Variants in PCDH15 observed in about 807,000 individuals in gnomAD.
PCDH15 encodes protocadherin related 15.
In PCDH15, 129 loss-of-function variants were observed where a neutral mutation model predicts 178.5. That is an observed-to-expected ratio of 0.72 (90% confidence interval 0.63 to 0.84). PCDH15 has a LOEUF of 0.84. PCDH15 is among the 40% of genes least tolerant of loss of function. The pLI, the probability that PCDH15 is intolerant of heterozygous loss-of-function variation, is 0.00. For missense variants in PCDH15, 2,230 were observed against 2,099.9 expected (o/e 1.06, Z -1.21); for synonymous variants, 800 against 732.0 (o/e 1.09, Z -1.50).
At chr10:55,513,063 A>G (rs767699775) in intron 2 of PCDH15, 3 of 152,168 alleles carry the variant, frequency 2.0e-5, no homozygotes, top group Non-Finnish European at 2.9e-5. Context: ...CTGAACAACC[A>G]CTGGCAAAAA....
intron 20 of PCDH15, among the ~76,000 whole-genome samples, chr10:54,013,281 A>G (rs1252299696): frequency 6.6e-6 from 1 of 152,196 alleles, no homozygotes; most frequent in African/African-American, 2.4e-5. Context: ...CAGACCTACA[A>G]AGAGACTTCG....
At chr10:53,997,191 A>G (rs1224878072) in intron 20 of PCDH15, among the ~76,000 whole-genome samples, 2 of 152,172 alleles carry the variant, frequency 1.3e-5, no homozygotes, top group Non-Finnish European at 2.9e-5. Context: ...AGTATTCACC[A>G]TCTCTTCTAT....
At chr10:54,718,081 A>G (rs2132455742) in intron 1 of PCDH15, among the ~76,000 whole-genome samples, 1 of 149,808 alleles carries the variant, frequency 6.7e-6, no homozygotes, top group Non-Finnish European at 1.5e-5. Context: ...TGGACACAGG[A>G]GGGTGAACAT....
chr10:54,035,487 C>T (rs1310641132), intron 18 of PCDH15, among the ~76,000 whole-genome samples: 4 of 151,648 alleles, frequency 2.6e-5, no homozygotes, highest in Non-Finnish European at 5.9e-5. Flanking sequence ...GTTGGGGTGC[C>T]GCAGAACACA....
intron 3 of PCDH15, among the ~76,000 whole-genome samples, chr10:54,379,628 G>T (rs1948929883): frequency 6.6e-6 from 1 of 151,996 alleles, no homozygotes; most frequent in South Asian, 2.1e-4. Context: ...AATAAAACTT[G>T]AAAAGATTAT....
intron 1 of PCDH15, among the ~76,000 whole-genome samples, chr10:55,171,647 T>A (rs572673001): frequency 4.6e-5 from 7 of 152,274 alleles, no homozygotes; most frequent in Non-Finnish European, 7.4e-5. Flanking sequence ...TAATTACACT[T>A]TAATTTTCAT....
At chr10:54,492,398 G>T (rs1022181135) in intron 3 of PCDH15, among the ~76,000 whole-genome samples, 4 of 152,126 alleles carry the variant, frequency 2.6e-5, no homozygotes, top group African/African-American at 9.7e-5. Context: ...ATTTCAGAAT[G>T]ATCATAAATG....
In PCDH15 at chr10:53,822,388, G is replaced by A. The variant is rs751914445; in HGVS notation, c.4368-2158C>T. ...AGAGGGATAGAAGGAGGAGAGGGAGGAGGACAAAAAAGAGAAAAAGGAGAA... is the reference window on the plus strand; with the variant it reads ...AGAGGGATAGAAGGAGGAGAGGGAGAAGGACAAAAAAGAGAAAAAGGAGAA... On this transcript the variant is annotated intron_variant, in intron 32 of 37. Transcript: ENST00000644397. 21 of 1,571,420 alleles carry A rather than the reference G, an allele frequency of 1.3e-5. No individual in the cohort carries two copies. Among genetic ancestry groups the A allele is most frequent in the Non-Finnish European group, 1.6e-5 (19 of 1,158,178 alleles).
At chr10:55,338,701 G>A (rs1337175015) in intron 2 of PCDH15, among the ~76,000 whole-genome samples, 1 of 152,120 alleles carries the variant, frequency 6.6e-6, no homozygotes, top group Non-Finnish European at 1.5e-5. Context: ...CCAGGAGGGA[G>A]ATGGCAAATG....
At chr10:55,194,172 C>A (rs970078033) in intron 1 of PCDH15, among the ~76,000 whole-genome samples, 4 of 151,974 alleles carry the variant, frequency 2.6e-5, no homozygotes, top group Non-Finnish European at 5.9e-5. Flanking sequence ...ATTTGCAGAG[C>A]ATTGATCTTA....
chr10:55,431,844 A>G (rs1838887076), intron 2 of PCDH15, among the ~76,000 whole-genome samples: 2 of 152,146 alleles, frequency 1.3e-5, no homozygotes, highest in South Asian at 4.1e-4. Flanking sequence ...AGCCTCTTAC[A>G]CAAATCTCTA....
chr10:55,001,702 T>C (rs7915751), intron 2 of PCDH15, among the ~76,000 whole-genome samples: 116,717 of 151,422 alleles, frequency 0.77, 45,153 homozygotes, highest in East Asian at 0.87. Context: ...CCTTGGAAGG[T>C]GTGGGATCCA....
At chr10:54,001,606 CACCAGAGTATACT>C (rs1362567500) in intron 20 of PCDH15, among the ~76,000 whole-genome samples, 2 of 151,746 alleles carry the variant, frequency 1.3e-5, no homozygotes. Context: ...AAAATCAAAG[CACCAGAGTATACT>C]ACCTTCACTT....
At chr10:55,502,609 T>G (rs1040478414) in intron 2 of PCDH15, among the ~76,000 whole-genome samples, 1 of 151,620 alleles carries the variant, frequency 6.6e-6, no homozygotes, top group African/African-American at 2.4e-5. Context: ...AAACAGTCAG[T>G]CGGTATTTTC....
chr10:55,572,819 G>A (rs1589147799), intron 2 of PCDH15, among the ~76,000 whole-genome samples: 1 of 152,144 alleles, frequency 6.6e-6, no homozygotes, highest in East Asian at 1.9e-4. Flanking sequence ...CGTGTAAAGT[G>A]CAATAATGAA....
chr10:55,132,048 C>G (rs1010859537), intron 2 of PCDH15, among the ~76,000 whole-genome samples: 1 of 152,048 alleles, frequency 6.6e-6, no homozygotes, highest in Non-Finnish European at 1.5e-5. Flanking sequence ...GCAGCTGTAC[C>G]CAGAAGGGCA....
At chr10:55,249,853 T>C (rs1254567895) in intron 1 of PCDH15, among the ~76,000 whole-genome samples, 1 of 152,032 alleles carries the variant, frequency 6.6e-6, no homozygotes, top group Non-Finnish European at 1.5e-5. Flanking sequence ...TCTGGTTTAT[T>C]CATAATTTAA....
intron 3 of PCDH15, among the ~76,000 whole-genome samples, chr10:54,884,399 C>T (rs1346467083): frequency 2.0e-5 from 3 of 151,930 alleles, no homozygotes; most frequent in African/African-American, 2.4e-5. Flanking sequence ...TAAAGTAACA[C>T]TGACTTTTCC....
At chr10:55,497,852 A>G (rs932641228) in intron 2 of PCDH15, among the ~76,000 whole-genome samples, 1 of 151,896 alleles carries the variant, frequency 6.6e-6, no homozygotes, top group African/African-American at 2.4e-5. Context: ...CACATAGATA[A>G]ATGTAAGTGG....
Sources: allele counts gnomAD v4.1 joint callset (sites outside exome capture counted in the v4.1 genomes callset), GRCh38; gene constraint gnomAD v4.1.1; transcripts MANE v1.5; gene names NCBI Gene and HGNC (gene_info 2026-07-23, HGNC 2026-07-21).